PCGF3: variants seen among roughly 807,000 people sequenced by gnomAD.
PCGF3 encodes polycomb group ring finger 3.
Under a neutral mutation model 33.1 loss-of-function variants are expected in PCGF3, and 7 were observed. That is an observed-to-expected ratio of 0.21 (90% confidence interval 0.12 to 0.40). The LOEUF is 0.40. Ranked by LOEUF, PCGF3 falls within the 10% of genes least tolerant of loss-of-function variation. PCGF3 has a pLI of 1.00. For synonymous variants in PCGF3, 153 were observed against 121.3 expected (o/e 1.26, Z -1.72); for missense variants, 211 against 313.3 (o/e 0.67, Z 2.46).
At chr4:710,561 C>T (rs561407132) in intron 1 of PCGF3, among the ~76,000 whole-genome samples, 3 of 152,174 alleles carry the variant, frequency 2.0e-5, no homozygotes, top group Non-Finnish European at 4.4e-5. Flanking sequence ...TCAGCGATTG[C>T]GTGTGGAGTG....
intron 7 of PCGF3, chr4:743,811 C>A: frequency 2.3e-6 from 1 of 436,812 alleles, no homozygotes. Context: ...AGGAGGGCCC[C>A]CCGAGAGTGT....
intron 1 of PCGF3, among the ~76,000 whole-genome samples, chr4:728,549 G>C (rs949558779): frequency 1.3e-5 from 2 of 152,242 alleles, no homozygotes; most frequent in Admixed American, 1.3e-4. Context: ...TTGAGCACCT[G>C]TGGATTTTGG....
intron 2 of PCGF3, 54 bp downstream of exon 2, chr4:730,722 A>T: frequency 3.4e-6 from 1 of 295,450 alleles, no homozygotes; most frequent in Non-Finnish European, 6.2e-6. Context: ...GAACTGCCGG[A>T]CTCCGCCGGG....
exon 11 of PCGF3, chr4:768,144 G>A (rs62294082): frequency 0.022 from 3,288 of 152,784 alleles, 56 homozygotes; most frequent in Non-Finnish European, 0.031. Flanking sequence ...ACAGACGGGC[G>A]AGTGGCGCCC....
intron 10 of PCGF3, among the ~76,000 whole-genome samples, chr4:765,383 A>G (rs1190850519): frequency 6.6e-6 from 1 of 152,128 alleles, no homozygotes; most frequent in Non-Finnish European, 1.5e-5. Context: ...CAGTGAGCCA[A>G]GATCGTGCCA....
intron 1 of PCGF3, among the ~76,000 whole-genome samples, chr4:707,169 C>G (rs1742343183): frequency 6.6e-6 from 1 of 150,618 alleles, no homozygotes; most frequent in African/African-American, 2.4e-5. Flanking sequence ...GGGCTGGGAC[C>G]CCAAGATGGG....
chr4:706,341 G>T (rs113618259), intron 1 of PCGF3, among the ~76,000 whole-genome samples: 60 of 129,486 alleles, frequency 4.6e-4, no homozygotes, highest in East Asian at 1.0e-3. Flanking sequence ...TGGGACAGCA[G>T]CCCAGGCAGG....
At chr4:748,172 T>C (rs1199809336) in intron 8 of PCGF3, among the ~76,000 whole-genome samples, 2 of 151,994 alleles carry the variant, frequency 1.3e-5, no homozygotes, top group African/African-American at 4.8e-5. Flanking sequence ...TAAAAGAATT[T>C]GATGAAATTC....
intron 8 of PCGF3, among the ~76,000 whole-genome samples, chr4:756,252 G>A (rs555163634): frequency 2.1e-5 from 3 of 144,224 alleles, no homozygotes; most frequent in Non-Finnish European, 3.0e-5. Context: ...ATACTCTGTC[G>A]CCCAGGCTGG....
intron 4 of PCGF3, 63 bp from the exon 5 acceptor site, chr4:734,868 C>T (rs952115871): frequency 8.9e-6 from 14 of 1,569,128 alleles, no homozygotes; most frequent in East Asian, 6.9e-5. Flanking sequence ...CAGTGGAGCA[C>T]GCCGATGGGG....
chr4:765,405 C>T (rs919972440), intron 10 of PCGF3, among the ~76,000 whole-genome samples: 2 of 150,074 alleles, frequency 1.3e-5, no homozygotes, highest in African/African-American at 4.9e-5. Context: ...TGCACTCCAA[C>T]CTAGGCGACA....
intron 1 of PCGF3, among the ~76,000 whole-genome samples, chr4:709,874 C>A (rs756565957): frequency 1.3e-5 from 2 of 152,170 alleles, no homozygotes; most frequent in Non-Finnish European, 2.9e-5. Flanking sequence ...CCAGTGTAAC[C>A]GCCAGGGACC....
At chr4:767,580 C>T (rs1282051662) in exon 11 of PCGF3, 2 of 151,922 alleles carry the variant, frequency 1.3e-5, no homozygotes, top group Non-Finnish European at 2.9e-5. Flanking sequence ...TTTTCTTCTG[C>T]TTCCTTTAGA....
At chr4:739,674 C>A (rs1744000515) in intron 6 of PCGF3, among the ~76,000 whole-genome samples, 1 of 152,220 alleles carries the variant, frequency 6.6e-6, no homozygotes, top group African/African-American at 2.4e-5. Context: ...CGTCCATGTG[C>A]TGAGCCGGGT....
intron 9 of PCGF3, among the ~76,000 whole-genome samples, chr4:763,477 G>A (rs1415068360): frequency 6.6e-6 from 1 of 152,224 alleles, no homozygotes; most frequent in Non-Finnish European, 1.5e-5. Context: ...CCCCAGGGAG[G>A]AATCTGAAGA....
chr4:736,900 GAC>G (rs1743862982), intron 5 of PCGF3, among the ~76,000 whole-genome samples: 1 of 80,182 alleles, frequency 1.2e-5, no homozygotes, highest in Admixed American at 1.2e-4. Flanking sequence ...TGTCTGCAGG[GAC>G]GGTGTCCCCT....
intron 8 of PCGF3, among the ~76,000 whole-genome samples, chr4:749,614 G>A (rs1236594264): frequency 6.8e-6 from 1 of 146,714 alleles, no homozygotes; most frequent in Non-Finnish European, 1.5e-5. Context: ...AGCCTCCTAA[G>A]TAGCTGGGAT....
chr4:765,484 G>A (rs1406473372), intron 10 of PCGF3, among the ~76,000 whole-genome samples: 1 of 151,980 alleles, frequency 6.6e-6, no homozygotes, highest in South Asian at 2.1e-4. Flanking sequence ...GTGAAACACA[G>A]TTCTGGTCTT....
chr4:732,569 C>T (rs1156419496), intron 3 of PCGF3: 2 of 152,350 alleles, frequency 1.3e-5, no homozygotes, highest in Non-Finnish European at 1.5e-5. Flanking sequence ...CATGTGGCCC[C>T]TGGATGAGCC....
Sources: allele counts gnomAD v4.1 joint callset (sites outside exome capture counted in the v4.1 genomes callset), GRCh38; gene constraint gnomAD v4.1.1; transcripts MANE v1.5; gene names NCBI Gene and HGNC (gene_info 2026-07-23, HGNC 2026-07-21).